The following IFFO2 variants were observed in gnomAD, a reference collection of about 807,000 sequenced individuals.
IFFO2 encodes the protein intermediate filament family orphan 2.
A neutral mutation model predicts 53.5 loss-of-function variants in IFFO2; 19 were observed. That is an observed-to-expected ratio of 0.36 (90% CI 0.25 to 0.52). The LOEUF (loss-of-function observed/expected upper bound fraction) is 0.52. IFFO2 is among the 20% of genes least tolerant of loss of function. IFFO2 has a pLI of 0.94. For missense variants in IFFO2, 570 were observed against 727.4 expected, an observed-to-expected ratio of 0.78 and a Z score of 2.49; for synonymous variants, 303 against 313.6, an observed-to-expected ratio of 0.97 and a Z score of 0.36.
chr1:18,938,543 C>T (rs560766231), intron 1 of IFFO2, among the ~76,000 whole-genome samples: 3 of 152,302 alleles, frequency 2.0e-5, no homozygotes, highest in African/African-American at 4.8e-5. Flanking sequence ...GATGAATGAG[C>T]TTGTGAGCTG....
At chr1:18,951,067 C>T (rs907682043) in intron 1 of IFFO2, among the ~76,000 whole-genome samples, 1 of 152,190 alleles carries the variant, frequency 6.6e-6, no homozygotes, top group African/African-American at 2.4e-5. Context: ...GGCCAGCCCC[C>T]CTCTGGGCCT....
rs899074240 is a variant in IFFO2, at chr1:18,906,727, G to A, written c.*1834C>T. 2.6e-5 allele frequency: 4 copies of A among 152,206 alleles called. No homozygotes were observed. The highest frequency in any genetic ancestry group is 7.2e-5 in the African/African-American group (3 of 41,436). 9.4% of individuals were successfully genotyped at this position (152,206 alleles called of 1,614,324 possible). A position where few individuals can be genotyped will look rare whatever the true frequency, so the allele number is the denominator to read the frequency against. On this transcript the variant is annotated 3_prime_UTR_variant, in exon 9 of 9. Coordinates refer to ENST00000455833, the MANE Select transcript of IFFO2 (RefSeq NM_001136265.2). ...AAAACCATTGTCCCTCCAAGTACCT[G>A]TCAAAGGGAACTGTTTGGCTAACAA...
intron 1 of IFFO2, among the ~76,000 whole-genome samples, chr1:18,942,179 G>A (rs563624968): frequency 3.3e-5 from 5 of 152,318 alleles, no homozygotes; most frequent in African/African-American, 1.2e-4. Flanking sequence ...GCCTGACCCA[G>A]GAAAGGCTGC....
In IFFO2 at chr1:18,928,907, G is replaced by A. The variant is rs532274750; in HGVS notation, c.666-7786C>T. The stretch of plus-strand genomic sequence containing the variant: ...AGCCTCAGGGATACCAACTCCATCC[G>A]GAGTTATCCTGGGTGCCATCAGGGC... On this transcript the variant is annotated intron_variant, in intron 1 of 8. Transcript: ENST00000455833. The surrounding 1 kb of genome is among the most constrained non-coding windows in gnomAD (Gnocchi z 4.9). Among the ~76,000 whole-genome samples, 7 of 152,180 alleles carry A rather than the reference G, an allele frequency of 4.6e-5. No individual in the cohort carries two copies. Among genetic ancestry groups the A allele is most frequent in the South Asian group, 4.2e-4 (2 of 4,816 alleles).
At chr1:18,910,991 T>C (rs533689217) in intron 7 of IFFO2, among the ~76,000 whole-genome samples, 1 of 152,364 alleles carries the variant, frequency 6.6e-6, no homozygotes, top group South Asian at 2.1e-4. Context: ...GGCAAGTCAC[T>C]TGGTCCTTTC....
chr1:18,923,792 T>G (rs9426699), intron 1 of IFFO2, among the ~76,000 whole-genome samples: 49,578 of 151,988 alleles, frequency 0.33, 10,688 homozygotes, highest in African/African-American at 0.62. Flanking sequence ...AGGCGAGGGC[T>G]GGGGCAGACA....
intron 1 of IFFO2, among the ~76,000 whole-genome samples, chr1:18,945,628 G>A (rs564985773): frequency 1.4e-4 from 21 of 152,334 alleles, no homozygotes; most frequent in Admixed American, 1.1e-3. Context: ...TCCCAGAGTC[G>A]GAGCACGCAG....
At chr1:18,924,888 C>A (rs1440783835) in intron 1 of IFFO2, among the ~76,000 whole-genome samples, 1 of 152,200 alleles carries the variant, frequency 6.6e-6, no homozygotes, top group African/African-American at 2.4e-5. Context: ...CAGGGCCTTT[C>A]CATAGATCCC....
rs1936019314 is a variant in IFFO2, at chr1:18,910,413, C to T, written c.1377G>A (p.Met459Ile). The T allele has an allele frequency of 2.5e-6, 4 of 1,614,090 alleles. No homozygotes were observed. The highest frequency in any genetic ancestry group is 3.4e-6 in the Non-Finnish European group (4 of 1,179,974). ...MNRHLHEYME[M>I]CSMKRGLDVQ... ...CGTCCAGGCCTCGCTTCATGCTGCA[C>T]ATCTCCATGTACTCGTGCAGGTGTC... is the stretch of plus-strand genomic sequence containing the variant. The change falls in exon 8 of 9, where the codon ATG becomes ATA. Residue 459 changes from methionine (M) to isoleucine (I), a missense_variant. Coordinates refer to ENST00000455833, the MANE Select transcript of IFFO2 (RefSeq NM_001136265.2).
At chr1:18,931,971 G>A (rs1018291870) in intron 1 of IFFO2, among the ~76,000 whole-genome samples, 1 of 152,232 alleles carries the variant, frequency 6.6e-6, no homozygotes, top group Non-Finnish European at 1.5e-5. Flanking sequence ...TTATTTCTCA[G>A]CGCCAGAGAA....
At chr1:18,908,720 G>A in intron 8 of IFFO2, 54 bp from the exon 9 acceptor site, 3 of 1,330,952 alleles carry the variant, frequency 2.3e-6, no homozygotes, top group South Asian at 2.5e-5. Flanking sequence ...GGCCTCTGAA[G>A]GGTCAAGGAG....
intron 8 of IFFO2, 27 bp downstream of exon 8, chr1:18,910,315 G>A (rs754998782): frequency 6.3e-7 from 1 of 1,582,544 alleles, no homozygotes; most frequent in Admixed American, 1.8e-5. Context: ...TGCCATAGCT[G>A]AATCCCCTGG....
intron 1 of IFFO2, among the ~76,000 whole-genome samples, chr1:18,945,843 C>A (rs761895517): frequency 6.6e-6 from 1 of 152,252 alleles, no homozygotes. Flanking sequence ...CACTTGCCAT[C>A]CACGCAACAT....
chr1:18,916,174 G>C lies in IFFO2; in HGVS notation c.1103+729C>G, dbSNP rs1936130475. On this transcript the variant is annotated intron_variant, in intron 5 of 8. Transcript: ENST00000455833. This position sits in a 1 kb window ranked among gnomAD's most constrained non-coding sequence, Gnocchi z 4.3. ...ACCACATCTGCCATTGCCCCTTCTG[G>C]GTTCATGACATCCTCAGACACAGAC... is the stretch of plus-strand genomic sequence containing the variant. 6.6e-6 allele frequency among the ~76,000 whole-genome samples: 1 copy of C among 151,712 alleles called. No individual in the cohort carries two copies.
chr1:18,926,460 G>A (rs1207931588), intron 1 of IFFO2, among the ~76,000 whole-genome samples: 1 of 152,176 alleles, frequency 6.6e-6, no homozygotes, highest in Non-Finnish European at 1.5e-5. Flanking sequence ...AAGAGTGCAG[G>A]GAGAGGAAAT....
In IFFO2 at chr1:18,919,723, C is replaced by T. The variant is rs1936190227; in HGVS notation, c.777G>A (p.Glu259=). ...AIQEEMNEKI[E]RLKAELVVFK... is the part of the protein sequence containing the mutation. Reference sequence around the variant, plus strand: ...ACACCACCAGCTCGGCCTTGAGCCGCTCGATCTTCTCATTCATCTCCTCCT... The same window carrying T: ...ACACCACCAGCTCGGCCTTGAGCCGTTCGATCTTCTCATTCATCTCCTCCT... The change falls in exon 3 of 9, where the codon GAG becomes GAA. Residue 259 remains glutamate (E), a synonymous_variant. Transcript: ENST00000455833. The surrounding 1 kb of genome is among the most constrained non-coding windows in gnomAD (Gnocchi z 4.9). The T allele has an allele frequency of 6.4e-7, 1 of 1,551,566 alleles. No individual in the cohort carries two copies. Among genetic ancestry groups the T allele is most frequent in the East Asian group, 2.4e-5 (1 of 40,934 alleles).
At chr1:18,909,702 T>A (rs916672123) in intron 8 of IFFO2, among the ~76,000 whole-genome samples, 1 of 152,194 alleles carries the variant, frequency 6.6e-6, no homozygotes, top group Non-Finnish European at 1.5e-5. Flanking sequence ...TCCTGAGGCC[T>A]CCTCAGCCAT....
intron 1 of IFFO2, among the ~76,000 whole-genome samples, chr1:18,951,274 C>G (rs1936656559): frequency 6.6e-6 from 1 of 152,170 alleles, no homozygotes; most frequent in Non-Finnish European, 1.5e-5. Context: ...CCAAGGCGCC[C>G]TGCTATGGAC....
At chr1:18,938,966 A>T (rs1936486463) in intron 1 of IFFO2, among the ~76,000 whole-genome samples, 1 of 152,216 alleles carries the variant, frequency 6.6e-6, no homozygotes, top group Non-Finnish European at 1.5e-5. Flanking sequence ...CTGGCAGGCA[A>T]CACTGCTTAA....
Sources: gnomAD v4.1 joint callset for allele counts (sites outside exome capture counted in the v4.1 genomes callset) on GRCh38, gnomAD v4.1.1 for gene constraint, Gnocchi (gnomAD v3.1) non-coding constraint, MANE v1.5 for transcripts, NCBI Gene and HGNC (gene_info 2026-07-23, HGNC 2026-07-21) for gene names.